The following PRAMEF17 variants were observed in gnomAD, a reference collection of about 807,000 sequenced individuals.
The protein encoded by PRAMEF17 is PRAME family member 17.
In PRAMEF17, 48 loss-of-function variants were observed where a neutral mutation model predicts 36.8. The ratio of observed to expected loss-of-function variants is 1.30; its 90% CI spans 1.03 to 1.66. The LOEUF (loss-of-function observed/expected upper bound fraction) is 1.66, where lower values mean the gene tolerates loss of function less well. Ranked by LOEUF, PRAMEF17 falls within the 40% of genes most tolerant of loss-of-function variation. The probability of loss-of-function intolerance (pLI) is 0.00; values close to 1 mark genes in which losing one functional copy is unlikely to be tolerated. For missense variants in PRAMEF17, 639 were observed against 560.6 expected (o/e 1.14, Z -1.41); for synonymous variants, 246 against 220.4 (o/e 1.12, Z -1.03).
chr1:13,391,040 C>G, intron 2 of PRAMEF17, 121 bp downstream of exon 2: 3 of 1,423,278 alleles, frequency 2.1e-6, no homozygotes, highest in Non-Finnish European at 2.9e-6. Context: ...GGGAATGGGA[C>G]GCTAGAATGT....
chr1:13,392,575 GT>G lies in PRAMEF17; in HGVS notation c.*80del. On this transcript the variant is annotated 3_prime_UTR_variant, in exon 3 of 3. Transcript: ENST00000376098. ...GCACTAAAATCTAGGACACAGGTGG[GT>G]TTTTTTGTTTTTTTGTTTTTTTTTT... 17 of 1,561,798 alleles carry G rather than the reference GT, an allele frequency of 1.1e-5. 1 individual carries two copies. The East Asian group carries it at 1.3e-4, about 12-fold the overall frequency.
Position 13,392,326 on chromosome 1 carries a change from G to C in PRAMEF17, c.1249G>C (p.Glu417Gln). Residue 417 changes from glutamate (E) to glutamine (Q), a missense_variant, in exon 3 of 3, where the codon GAG (glutamate) becomes CAG (glutamine). Coordinates refer to ENST00000376098, the MANE Select transcript of PRAMEF17 (RefSeq NM_001099851.3). ...TCTGGAGTTGTATCCTGCCCCTCTG[G>C]AGTGTCTTGACAACAGGGGTCATGT... is the stretch of plus-strand genomic sequence containing the variant. ...LGLELYPAPL[E>Q]CLDNRGHVNW... 6.2e-7 allele frequency: 1 copy of C among 1,611,948 alleles called. No individual in the cohort carries two copies. Among genetic ancestry groups the C allele is most frequent in the South Asian group, 1.1e-5 (1 of 90,988 alleles).
In PRAMEF17 at chr1:13,392,512, G is replaced by C; in HGVS notation, c.*10G>C. On this transcript the variant is annotated 3_prime_UTR_variant, in exon 3 of 3. Transcript: ENST00000376098. Reference sequence around the variant, plus strand: ...CCATCTTTGCTCTTAGTGAAGGCCTGATTAGTGGGATGGATATGCTTTCTT... The same window carrying C: ...CCATCTTTGCTCTTAGTGAAGGCCTCATTAGTGGGATGGATATGCTTTCTT... The C allele has an allele frequency of 2.5e-6, 4 of 1,611,946 alleles. No homozygotes were observed. The highest frequency in any genetic ancestry group is 1.7e-5 in the Admixed American group (1 of 60,004).
rs1183904554 is a variant in PRAMEF17, at chr1:13,392,605, G to A, written c.*103G>A. On this transcript the variant is annotated 3_prime_UTR_variant, in exon 3 of 3. Transcript: ENST00000376098. ...TTTGTTTTTTTGTTTTTTTTTTGAT[G>A]GAGTCTCGCTCTGTCCCTCAGGCTA... 2.0e-6 allele frequency: 3 copies of A among 1,492,636 alleles called. No homozygotes were observed. The highest frequency in any genetic ancestry group is 2.8e-5 in the African/African-American group (2 of 70,772). The allele number at this position is 1,492,636 out of a possible 1,614,324, so 92.5% of individuals were successfully genotyped here.
At position 13,392,591 on chromosome 1, in the gene PRAMEF17, G is replaced by GTT. The variant is rs1372942367; in HGVS notation, c.*98_*99dup. On this transcript the variant is annotated 3_prime_UTR_variant, in exon 3 of 3. Coordinates refer to ENST00000376098, the MANE Select transcript of PRAMEF17 (RefSeq NM_001099851.3). ...CACAGGTGGGTTTTTTTGTTTTTTT[G>GTT]TTTTTTTTTTGATGGAGTCTCGCTC... 7.5e-5 allele frequency: 107 copies of GTT among 1,422,038 alleles called. No homozygotes were observed. In the African/African-American group the frequency reaches 9.8e-4, roughly 13 times the overall value. 88.1% of individuals were successfully genotyped at this position (1,422,038 alleles called of 1,614,324 possible). A position where few individuals can be genotyped will look rare whatever the true frequency, so the allele number is the denominator to read the frequency against.
At position 13,390,347 on chromosome 1, in the gene PRAMEF17, G is replaced by T; in HGVS notation, c.294G>T (p.Trp98Cys). Reference protein sequence around the residue: ...LLAQKLRPRRWKLQVLDLRDV... With the variant: ...LLAQKLRPRRCKLQVLDLRDV... ...TCCCCTATGTTACTCACAGGAGGTGGAAACTTCAAGTGCTGGATTTGCGGG... is the reference window on the plus strand; with the variant it reads ...TCCCCTATGTTACTCACAGGAGGTGTAAACTTCAAGTGCTGGATTTGCGGG... The change falls in exon 2 of 3, where the codon TGG (tryptophan) becomes TGT (cysteine). Residue 98 changes from tryptophan (W) to cysteine (C), a missense_variant. Transcript: ENST00000376098. 6.2e-7 allele frequency: 1 copy of T among 1,611,936 alleles called. No homozygotes were observed. Among genetic ancestry groups the T allele is most frequent in the South Asian group, 1.1e-5 (1 of 90,982 alleles).
In PRAMEF17 at chr1:13,392,598, T is replaced by C; in HGVS notation, c.*96T>C. On this transcript the variant is annotated 3_prime_UTR_variant, in exon 3 of 3. Transcript: ENST00000376098. ...GGGTTTTTTTGTTTTTTTGTTTTTT[T>C]TTTGATGGAGTCTCGCTCTGTCCCT... The C allele has an allele frequency of 6.6e-7, 1 of 1,515,894 alleles. No individual in the cohort carries two copies. Among genetic ancestry groups the C allele is most frequent in the Non-Finnish European group, 8.9e-7 (1 of 1,127,400 alleles). The allele number at this position is 1,515,894 out of a possible 1,614,324, so 93.9% of individuals were successfully genotyped here. A position where few individuals can be genotyped will look rare whatever the true frequency, so the allele number is the denominator to read the frequency against.
chr1:13,390,413 G>A lies in PRAMEF17; in HGVS notation c.360G>A (p.Arg120=). 2 of 1,611,962 alleles carry A rather than the reference G, an allele frequency of 1.2e-6. No homozygotes were observed. The highest frequency in any genetic ancestry group is 3.3e-5 in the Admixed American group (2 of 59,986). ...GNFWTIWSGA[R]ALSCSPEAMS... ...TCTGGACTATATGGTCTGGAGCCAGGGCCCTCTCCTGCTCCCCAGAGGCCA... is the reference window on the plus strand; with the variant it reads ...TCTGGACTATATGGTCTGGAGCCAGAGCCCTCTCCTGCTCCCCAGAGGCCA... Residue 120 remains arginine, a synonymous_variant, in exon 2 of 3, where the codon AGG becomes AGA. Transcript: ENST00000376098.
chr1:13,389,922 C>A lies in PRAMEF17; in HGVS notation c.265C>A (p.Leu89Met), dbSNP rs1204416672. 2.5e-6 allele frequency: 4 copies of A among 1,612,798 alleles called. No individual in the cohort carries two copies. The highest frequency in any genetic ancestry group is 3.4e-6 in the Non-Finnish European group (4 of 1,180,032). Residue 89 changes from leucine (L) to methionine (M), a missense_variant, in exon 1 of 3, where the codon CTG becomes ATG. By Grantham distance (15) the Leu-to-Met change is conservative. Coordinates refer to ENST00000376098, the MANE Select transcript of PRAMEF17 (RefSeq NM_001099851.3). ...QAVLKGLDTL[L>M]AQKLRPRRWK... The stretch of plus-strand genomic sequence containing the variant: ...TGTGCTGAAGGGACTTGATACACTG[C>A]TGGCCCAGAAGCTTCGCCCCAGGTG...
rs754808559 is a variant in PRAMEF17 at position 13,391,947 on chromosome 1, C to A, written c.870C>A (p.Cys290Ter). Residue 290 changes from cysteine to a stop codon, truncating the protein, a stop_gained, in exon 3 of 3, where the codon TGC becomes TGA. Transcript: ENST00000376098. LOFTEE classifies it high-confidence loss of function. ...ACTAATTTCTTGCTCTCCCCAGGTGCCTCAAGAACCCCTTGGGAACCTTTA... is the reference window on the plus strand; with the variant it reads ...ACTAATTTCTTGCTCTCCCCAGGTGACTCAAGAACCCCTTGGGAACCTTTA... ...IKEHLEHLLR[C>*]LKNPLGTFIF... is the part of the protein sequence containing the mutation. The A allele has an allele frequency of 6.2e-7, 1 of 1,611,040 alleles. No individual in the cohort carries two copies. The highest frequency in any genetic ancestry group is 8.5e-7 in the Non-Finnish European group (1 of 1,179,250).
Position 13,392,591 on chromosome 1 carries a change from G to GT in PRAMEF17, c.*99dup, listed in dbSNP as rs1372942367. 15,134 of 1,363,066 alleles carry GT rather than the reference G, an allele frequency of 0.011. 15 individuals are homozygous for GT. Among genetic ancestry groups the GT allele is most frequent in the African/African-American group, 0.024 (1,605 of 65,848 alleles). 84.4% of individuals were successfully genotyped at this position (1,363,066 alleles called of 1,614,324 possible). ...CACAGGTGGGTTTTTTTGTTTTTTT[G>GT]TTTTTTTTTTGATGGAGTCTCGCTC... On this transcript the variant is annotated 3_prime_UTR_variant, in exon 3 of 3. Transcript: ENST00000376098.
chr1:13,390,839 A>C lies in PRAMEF17; in HGVS notation c.786A>C (p.Pro262=). 6.2e-7 allele frequency: 1 copy of C among 1,612,046 alleles called. No individual in the cohort carries two copies. The highest frequency in any genetic ancestry group is 8.5e-7 in the Non-Finnish European group (1 of 1,179,870). Residue 262 remains proline, a synonymous_variant, in exon 2 of 3, where the codon CCA becomes CCC. Transcript: ENST00000376098. ...QQQFVPDLDC[P]FLCLYYPQML... Reference sequence around the variant, plus strand: ...AGTTCGTTCCTGACTTGGACTGTCCATTCCTCTGCCTGTACTACCCTCAGA... The same window carrying C: ...AGTTCGTTCCTGACTTGGACTGTCCCTTCCTCTGCCTGTACTACCCTCAGA...
rs1640871574 is a variant in PRAMEF17, at chr1:13,390,858, C to T, written c.805C>T (p.Pro269Ser). The T allele has an allele frequency of 1.2e-6, 2 of 1,612,020 alleles. No homozygotes were observed. The highest frequency in any genetic ancestry group is 1.7e-6 in the Non-Finnish European group (2 of 1,179,862). Reference protein sequence around the residue: ...LDCPFLCLYYPQMLYIRKISN... With the variant: ...LDCPFLCLYYSQMLYIRKISN... ...CTGTCCATTCCTCTGCCTGTACTAC[C>T]CTCAGATGCTTTATATAAGAAAGAT... is the stretch of plus-strand genomic sequence containing the variant. The change falls in exon 2 of 3, where the codon CCT becomes TCT. Residue 269 changes from proline to serine, a missense_variant. Coordinates refer to ENST00000376098, the MANE Select transcript of PRAMEF17 (RefSeq NM_001099851.3).
Position 13,390,592 on chromosome 1 carries a change from T to G in PRAMEF17, c.539T>G (p.Leu180Arg). The change falls in exon 2 of 3, where the codon CTG becomes CGG. Residue 180 changes from leucine (L) to arginine (R), a missense_variant. Coordinates refer to ENST00000376098, the MANE Select transcript of PRAMEF17 (RefSeq NM_001099851.3). ...WIHYRRGLVH[L>R]CCNKVQNYSM... is the part of the protein sequence containing the mutation. Reference sequence around the variant, plus strand: ...CACTACAGAAGAGGTCTAGTGCACCTGTGTTGTAATAAGGTGCAGAATTAC... The same window carrying G: ...CACTACAGAAGAGGTCTAGTGCACCGGTGTTGTAATAAGGTGCAGAATTAC... 6.2e-7 allele frequency: 1 copy of G among 1,612,010 alleles called. No individual in the cohort carries two copies. The highest frequency in any genetic ancestry group is 8.5e-7 in the Non-Finnish European group (1 of 1,179,874).
Position 13,390,497 on chromosome 1 carries a change from G to T in PRAMEF17, c.444G>T (p.Lys148Asn). 2 of 1,611,970 alleles carry T rather than the reference G, an allele frequency of 1.2e-6. No individual in the cohort carries two copies. The highest frequency in any genetic ancestry group is 1.7e-6 in the Non-Finnish European group (2 of 1,179,856). The change falls in exon 2 of 3, where the codon AAG (lysine) becomes AAT (asparagine). Residue 148 changes from lysine to asparagine, a missense_variant. Lys to Asn is a moderately conservative substitution (Grantham distance 94, BLOSUM62 0). Transcript: ENST00000376098. Reference sequence around the variant, plus strand: ...GGACGGGAGAGCACCAGCCCTTGAAGGTGTTCATAGACCTCTGCCAAAAGG... The same window carrying T: ...GGACGGGAGAGCACCAGCCCTTGAATGTGTTCATAGACCTCTGCCAAAAGG... ...YPRTGEHQPL[K>N]VFIDLCQKES... is the part of the protein sequence containing the mutation.
Position 13,389,799 on chromosome 1 carries a change from C to T in PRAMEF17, c.142C>T (p.His48Tyr), listed in dbSNP as rs1270018952. The T allele has an allele frequency of 1.4e-5, 22 of 1,613,170 alleles. No homozygotes were observed. The highest frequency in any genetic ancestry group is 2.7e-5 in the African/African-American group (2 of 74,886). ...GTTCATGGAGGCCTCCAGCATGAGA[C>T]ATTTTGAGGCCCTGAAGCTGATGGT... ...LMFMEASSMR[H>Y]FEALKLMVQA... is the part of the protein sequence containing the mutation. Residue 48 changes from histidine (H) to tyrosine (Y), a missense_variant, in exon 1 of 3, where the codon CAT becomes TAT. By Grantham distance (83) the His-to-Tyr change is moderately conservative (BLOSUM62 2). Coordinates refer to ENST00000376098, the MANE Select transcript of PRAMEF17 (RefSeq NM_001099851.3).
At position 13,392,209 on chromosome 1, in the gene PRAMEF17, C is replaced by T. The variant is rs1390654755; in HGVS notation, c.1132C>T (p.Gln378Ter). The change falls in exon 3 of 3, where the codon CAG (glutamine) becomes TAG (stop). Residue 378 changes from glutamine to a stop codon, truncating the protein, a stop_gained. Transcript: ENST00000376098. LOFTEE classifies it high-confidence loss of function. ...CCTGCCTGCCCTGAGCCGCTGCTCC[C>T]AGCTCACCACCTTCTACTTTCGCGG... is the stretch of plus-strand genomic sequence containing the variant. The part of the protein sequence containing the change: ...VLLPALSRCS[Q>*]LTTFYFRGNE... 6.2e-7 allele frequency: 1 copy of T among 1,611,908 alleles called. No individual in the cohort carries two copies. The highest frequency in any genetic ancestry group is 1.3e-5 in the African/African-American group (1 of 74,860).
intron 1 of PRAMEF17, 119 bp from the exon 2 acceptor site, chr1:13,390,220 GAC>G (rs1465359707): frequency 1.3e-6 from 2 of 1,504,746 alleles, no homozygotes; most frequent in African/African-American, 2.7e-5. Flanking sequence ...ATGGAGAAGA[GAC>G]AGAAGGAGGA....
In PRAMEF17 at chr1:13,392,377, C is replaced by G; in HGVS notation, c.1300C>G (p.Arg434Gly). Residue 434 changes from arginine (R) to glycine (G), a missense_variant, in exon 3 of 3, where the codon CGG becomes GGG. Arg to Gly is a moderately radical substitution (Grantham distance 125). Transcript: ENST00000376098. The part of the protein sequence containing the change: ...HVNWEILAPI[R>G]AELMCTLREV... ...CAATTGGGAGATCCTCGCCCCAATT[C>G]GGGCTGAGCTGATGTGTACACTCAG... 1 of 1,611,958 alleles carries G rather than the reference C, an allele frequency of 6.2e-7. No individual in the cohort carries two copies. Among genetic ancestry groups the G allele is most frequent in the Non-Finnish European group, 8.5e-7 (1 of 1,179,852 alleles).
Sources: allele counts gnomAD v4.1 joint callset, GRCh38; gene constraint gnomAD v4.1.1; transcripts MANE v1.5; gene names NCBI Gene and HGNC (gene_info 2026-07-23, HGNC 2026-07-21).